The following DLG2 variants were observed in gnomAD, a reference collection of about 807,000 sequenced individuals.
DLG2 encodes disks large homolog 2.
DLG2 carries 45 observed loss-of-function variants against 132.5 expected under a neutral mutation model. The ratio of observed to expected loss-of-function variants is 0.34; its 90% CI spans 0.27 to 0.44. The LOEUF is 0.44. Ranked by LOEUF, DLG2 falls within the 20% of genes least tolerant of loss-of-function variation. The pLI is 1.00. For missense variants in DLG2, 1,045 were observed against 1,196.9 expected, an observed-to-expected ratio of 0.87 and a Z score of 1.87; for synonymous variants, 424 against 419.6, an observed-to-expected ratio of 1.01 and a Z score of -0.13.
chr11:84,778,718 T>A (rs989225991), intron 6 of DLG2, among the ~76,000 whole-genome samples: 1 of 152,144 alleles, frequency 6.6e-6, no homozygotes, highest in African/African-American at 2.4e-5. Context: ...ATTATTGTTT[T>A]TGGATGTATC....
intron 6 of DLG2, among the ~76,000 whole-genome samples, chr11:84,573,221 G>T (rs1407495066): frequency 6.6e-6 from 1 of 152,018 alleles, no homozygotes; most frequent in South Asian, 2.1e-4. Context: ...TAGTAGCTAA[G>T]TAAATTTTTT....
intron 4 of DLG2, among the ~76,000 whole-genome samples, chr11:85,229,188 A>T (rs74393658): frequency 1.3e-5 from 2 of 148,968 alleles, no homozygotes; most frequent in Non-Finnish European, 3.0e-5. Flanking sequence ...ACAACACAGT[A>T]TTTTTTTTTT....
intron 6 of DLG2, among the ~76,000 whole-genome samples, chr11:84,737,661 A>G (rs1289357801): frequency 2.0e-5 from 3 of 152,050 alleles, no homozygotes. Flanking sequence ...GAATGGAACA[A>G]TATTGTCAGT....
At chr11:83,491,055 G>A (rs909836351) in intron 21 of DLG2, among the ~76,000 whole-genome samples, 2 of 151,600 alleles carry the variant, frequency 1.3e-5, no homozygotes, top group Non-Finnish European at 1.5e-5. Context: ...AAGATGAATT[G>A]TAAAGCACTT....
rs555797805 is a variant in DLG2 at position 85,372,508 on chromosome 11, G to A, written c.41-87143C>T. ...CTAGGAAAGAAAATTGTATCTAAGG[G>A]ATCCAGAAGCAAATGATAATGAAGG... is the stretch of plus-strand genomic sequence containing the variant. On this transcript the variant is annotated intron_variant, in intron 3 of 27. Coordinates refer to ENST00000376104, the MANE Select transcript of DLG2 (RefSeq NM_001142699.3). Among the ~76,000 whole-genome samples, 3 of 152,340 alleles carry A rather than the reference G, an allele frequency of 2.0e-5. No individual in the cohort carries two copies. In the East Asian group the frequency reaches 5.8e-4, roughly 29 times the overall value.
At chr11:84,824,493 G>A (rs777604773) in intron 6 of DLG2, among the ~76,000 whole-genome samples, 25 of 151,892 alleles carry the variant, frequency 1.6e-4, no homozygotes, top group Admixed American at 2.6e-4. Flanking sequence ...AGTGATGTTG[G>A]AGGTGTTGTA....
At chr11:85,258,704 G>A (rs1244176982) in intron 4 of DLG2, among the ~76,000 whole-genome samples, 1 of 152,132 alleles carries the variant, frequency 6.6e-6, no homozygotes, top group East Asian at 1.9e-4. Flanking sequence ...ACGCAGTTAT[G>A]TTCCATTCAA....
intron 21 of DLG2, among the ~76,000 whole-genome samples, chr11:83,508,935 C>G (rs10898129): frequency 0.68 from 103,995 of 152,154 alleles, 36,392 homozygotes; most frequent in African/African-American, 0.82. Context: ...TGTTGGCTGA[C>G]GGAAGAATTG....
chr11:83,507,114 T>C (rs1055425197), intron 21 of DLG2, among the ~76,000 whole-genome samples: 8 of 152,172 alleles, frequency 5.3e-5, no homozygotes, highest in African/African-American at 1.9e-4. Context: ...AAGTATTATG[T>C]ATAGAGTCAA....
rs937247489 is a variant in DLG2 at position 84,727,746 on chromosome 11, A to G, written c.358-193015T>C. Among the ~76,000 whole-genome samples the G allele has an allele frequency of 5.9e-5, 9 of 152,130 alleles. No individual in the cohort carries two copies. In the East Asian group the frequency reaches 1.7e-3, roughly 29 times the overall value. Reference sequence around the variant, plus strand: ...TATCCATGAGAATGAAGGTTTTTACATTTGTTTGTGTCCTCTCTTATTTCC... The same window carrying G: ...TATCCATGAGAATGAAGGTTTTTACGTTTGTTTGTGTCCTCTCTTATTTCC... On this transcript the variant is annotated intron_variant, in intron 6 of 27. Transcript: ENST00000376104.
chr11:84,360,188 C>G (rs1160269973), intron 7 of DLG2, among the ~76,000 whole-genome samples: 3 of 151,486 alleles, frequency 2.0e-5, no homozygotes, highest in Non-Finnish European at 2.9e-5. Flanking sequence ...AGAGAAAATG[C>G]CTTATAGCCA....
intron 10 of DLG2, among the ~76,000 whole-genome samples, chr11:84,071,361 T>A (rs1403682576): frequency 6.6e-6 from 1 of 151,972 alleles, no homozygotes; most frequent in Non-Finnish European, 1.5e-5. Context: ...CACCTCAGCC[T>A]CCCAAAGTGC....
At chr11:84,627,951 C>A (rs2099625486) in intron 6 of DLG2, among the ~76,000 whole-genome samples, 1 of 152,078 alleles carries the variant, frequency 6.6e-6, no homozygotes, top group South Asian at 2.1e-4. Flanking sequence ...CAGGCCCCAC[C>A]TCCAACATAG....
At chr11:84,253,494 C>T (rs1027509646) in intron 7 of DLG2, among the ~76,000 whole-genome samples, 24 of 152,112 alleles carry the variant, frequency 1.6e-4, no homozygotes, top group Admixed American at 4.6e-4. Context: ...AGATAGACTA[C>T]TGTAAAGATA....
At chr11:83,925,674 A>C (rs1163785084) in intron 15 of DLG2, among the ~76,000 whole-genome samples, 2 of 152,094 alleles carry the variant, frequency 1.3e-5, no homozygotes, top group East Asian at 3.9e-4. Context: ...TTCCCATCCA[A>C]AACCTGCCAA....
intron 9 of DLG2, among the ~76,000 whole-genome samples, chr11:84,110,292 G>T (rs1298542148): frequency 2.6e-5 from 4 of 152,098 alleles, no homozygotes; most frequent in Non-Finnish European, 5.9e-5. Context: ...AGCTTTTATG[G>T]GTTATTGCCT....
intron 6 of DLG2, among the ~76,000 whole-genome samples, chr11:84,934,515 G>GTTTTTTTTTTTTTT (rs2048482997): frequency 2.5e-5 from 1 of 40,476 alleles, no homozygotes; most frequent in African/African-American, 1.0e-4. Flanking sequence ...TTTTTTTTTT[G>GTTTTTTTTTTTTTT]TTTTGTTTTG....
intron 7 of DLG2, among the ~76,000 whole-genome samples, chr11:84,479,378 T>C (rs1318018580): frequency 1.3e-5 from 2 of 152,076 alleles, no homozygotes; most frequent in East Asian, 1.9e-4. Context: ...CTTTTCTGAG[T>C]TGGATTTCTT....
intron 10 of DLG2, among the ~76,000 whole-genome samples, chr11:84,060,299 G>A (rs1295662852): frequency 3.3e-5 from 5 of 152,032 alleles, no homozygotes; most frequent in East Asian, 1.9e-4. Context: ...GAGACAGAGC[G>A]AGACTCCATC....
Sources: gnomAD v4.1 joint callset for allele counts (sites outside exome capture counted in the v4.1 genomes callset) on GRCh38, gnomAD v4.1.1 for gene constraint, MANE v1.5 for transcripts, NCBI Gene and HGNC (gene_info 2026-07-23, HGNC 2026-07-21) for gene names.